Variants in PCDHA8 observed in about 807,000 individuals in gnomAD.
The protein encoded by PCDHA8 is protocadherin alpha 8.
PCDHA8 carries 53 observed loss-of-function variants against 61.8 expected under a neutral mutation model. That is an observed-to-expected ratio of 0.86 (90% CI 0.69 to 1.08). The LOEUF is 1.08. Ranked by LOEUF, PCDHA8 falls within the 50% of genes least tolerant of loss-of-function variation. The pLI is 0.00. For missense variants in PCDHA8, 1,293 were observed against 1,245.0 expected (o/e 1.04, Z -0.58); for synonymous variants, 618 against 556.6 (o/e 1.11, Z -1.55).
intron 1 of PCDHA8, among the ~76,000 whole-genome samples, chr5:140,919,753 T>C (rs1386045187): frequency 6.6e-6 from 1 of 152,212 alleles, no homozygotes; most frequent in Non-Finnish European, 1.5e-5. Flanking sequence ...ATTTCTCTTC[T>C]GCCTTTTGTA....
intron 3 of PCDHA8, among the ~76,000 whole-genome samples, chr5:140,995,639 A>G (rs1410943855): frequency 6.6e-6 from 1 of 152,190 alleles, no homozygotes; most frequent in Non-Finnish European, 1.5e-5. Context: ...TGGAGTGTTT[A>G]GAAAAGGAGA....
chr5:140,947,625 T>C (rs2094153389), intron 1 of PCDHA8, among the ~76,000 whole-genome samples: 1 of 151,648 alleles, frequency 6.6e-6, no homozygotes, highest in Non-Finnish European at 1.5e-5. Context: ...CAATATTGAG[T>C]CATCAGATCG....
At chr5:140,875,304 A>G in intron 1 of PCDHA8, 6 of 1,416,398 alleles carry the variant, frequency 4.2e-6, no homozygotes, top group Non-Finnish European at 5.5e-6. Context: ...TTTTCTCCGC[A>G]CCCACATTCC....
intron 1 of PCDHA8, among the ~76,000 whole-genome samples, chr5:140,971,036 G>A (rs919714179): frequency 2.0e-5 from 3 of 152,204 alleles, no homozygotes; most frequent in Non-Finnish European, 2.9e-5. Context: ...TTGAAAGCAC[G>A]TAAAAGGGTT....
chr5:140,874,132 A>T (rs181983769), intron 1 of PCDHA8, among the ~76,000 whole-genome samples: 8 of 152,358 alleles, frequency 5.3e-5, no homozygotes, highest in Non-Finnish European at 1.2e-4. Flanking sequence ...TATTTAAGTT[A>T]TCTTATACTT....
chr5:140,906,889 G>T (rs1397235059), intron 1 of PCDHA8, among the ~76,000 whole-genome samples: 1 of 152,172 alleles, frequency 6.6e-6, no homozygotes, highest in Non-Finnish European at 1.5e-5. Flanking sequence ...TTCCTTCTTA[G>T]ATTGTTGGTT....
chr5:140,844,047 C>A (rs2150368498), intron 1 of PCDHA8, among the ~76,000 whole-genome samples: 1 of 149,488 alleles, frequency 6.7e-6, no homozygotes, highest in African/African-American at 2.5e-5. Context: ...TGAAAGTATT[C>A]CCCCAAAGCG....
chr5:140,895,665 A>G (rs782373926), intron 1 of PCDHA8, among the ~76,000 whole-genome samples: 1 of 152,114 alleles, frequency 6.6e-6, no homozygotes, highest in Non-Finnish European at 1.5e-5. Flanking sequence ...AAGTGAGAAC[A>G]TGTAGTATTT....
intron 2 of PCDHA8, among the ~76,000 whole-genome samples, chr5:140,979,729 C>CA: frequency 6.6e-6 from 1 of 152,232 alleles, no homozygotes; most frequent in African/African-American, 2.4e-5. Flanking sequence ...GCCATGGGGC[C>CA]AAATAAAAGA....
intron 1 of PCDHA8, among the ~76,000 whole-genome samples, chr5:140,931,278 T>G (rs1488323710): frequency 1.3e-5 from 2 of 152,174 alleles, no homozygotes; most frequent in Non-Finnish European, 2.9e-5. Context: ...TCTTTTATTT[T>G]CATTGCTTTC....
rs1023630665 is a variant in PCDHA8, at chr5:140,851,206, T to C, written c.2394+7491T>C. 1.3e-5 allele frequency: 15 copies of C among 1,183,670 alleles called. No homozygotes were observed. The African/African-American group carries it at 2.4e-4, about 19-fold the overall frequency. 73.3% of individuals were successfully genotyped at this position (1,183,670 alleles called of 1,614,324 possible). ...ACCAATTTAGTTGTTAGTCATTCAT[T>C]AAACATTAACATCACTATCATTTAT... On this transcript the variant is annotated intron_variant, in intron 1 of 3. Coordinates refer to ENST00000531613, the MANE Select transcript of PCDHA8 (RefSeq NM_018911.3).
intron 3 of PCDHA8, among the ~76,000 whole-genome samples, chr5:140,992,490 G>A (rs2097515419): frequency 6.6e-6 from 1 of 152,196 alleles, no homozygotes; most frequent in Non-Finnish European, 1.5e-5. Flanking sequence ...AGGCCAATCT[G>A]TAAGGATTCA....
rs1395413340 is a variant in PCDHA8 at position 140,844,044 on chromosome 5, A to G, written c.2394+329A>G. ...GGGCATTTTGATCTTTGGTGAAAGT[A>G]TTCCCCCAAAGCGTTTATTCTTTTG... On this transcript the variant is annotated intron_variant, in intron 1 of 3. Coordinates refer to ENST00000531613, the MANE Select transcript of PCDHA8 (RefSeq NM_018911.3). 1.3e-5 allele frequency among the ~76,000 whole-genome samples: 2 copies of G among 149,664 alleles called. 1 individual carries two copies. The highest frequency in any genetic ancestry group is 4.9e-5 in the African/African-American group (2 of 40,852).
At chr5:140,944,655 C>A (rs1045047658) in intron 1 of PCDHA8, among the ~76,000 whole-genome samples, 3 of 152,128 alleles carry the variant, frequency 2.0e-5, no homozygotes, top group Admixed American at 2.0e-4. Flanking sequence ...GGAGTCCATA[C>A]CCCTTATTTA....
Position 140,983,978 on chromosome 5 carries a change from G to A in PCDHA8, c.2542+1415G>A, listed in dbSNP as rs529150173. Among the ~76,000 whole-genome samples the A allele has an allele frequency of 5.3e-5, 8 of 152,266 alleles. No individual in the cohort carries two copies. The South Asian group carries it at 1.5e-3, about 28-fold the overall frequency. Reference sequence around the variant, plus strand: ...AGTCACATTTGTCCAAAAAATATACGAGTTGAAGCAATTCATTAGAGAGCT... The same window carrying A: ...AGTCACATTTGTCCAAAAAATATACAAGTTGAAGCAATTCATTAGAGAGCT... On this transcript the variant is annotated intron_variant, in intron 3 of 3. Transcript: ENST00000531613.
chr5:140,869,511 A>T (rs1160788033), intron 1 of PCDHA8: 4 of 1,614,076 alleles, frequency 2.5e-6, no homozygotes, highest in Non-Finnish European at 2.5e-6. Context: ...TCTCGCTCAG[A>T]GAACAAAAGC....
chr5:140,863,936 G>A (rs1554158535), intron 1 of PCDHA8: 2 of 160,752 alleles, frequency 1.2e-5, no homozygotes, highest in African/African-American at 4.8e-5. Context: ...AGGAGGCAGA[G>A]GTTGCGGTGA....
At position 140,869,660 on chromosome 5, in the gene PCDHA8, G is replaced by T. The variant is rs782182212; in HGVS notation, c.2394+25945G>T. On this transcript the variant is annotated intron_variant, in intron 1 of 3. Coordinates refer to ENST00000531613, the MANE Select transcript of PCDHA8 (RefSeq NM_018911.3). ...TTTTCTTTAGATTCACCAACAAATG[G>T]TAAGCAGATTAAAAGACTGTCACTT... is the stretch of plus-strand genomic sequence containing the variant. 7 of 1,613,392 alleles carry T rather than the reference G, an allele frequency of 4.3e-6. No individual in the cohort carries two copies. The Admixed American group carries it at 1.2e-4, about 27-fold the overall frequency.
chr5:140,915,093 G>A (rs1397392191), intron 1 of PCDHA8, among the ~76,000 whole-genome samples: 3 of 151,622 alleles, frequency 2.0e-5, no homozygotes, highest in Non-Finnish European at 2.9e-5. Flanking sequence ...CTATGGGCAC[G>A]CACCACCACA....
Sources: gnomAD v4.1 joint callset for allele counts (sites outside exome capture counted in the v4.1 genomes callset) on GRCh38, gnomAD v4.1.1 for gene constraint, MANE v1.5 for transcripts, NCBI Gene and HGNC (gene_info 2026-07-23, HGNC 2026-07-21) for gene names.